The following FAM120A variants were observed in gnomAD, a reference collection of about 807,000 sequenced individuals.
FAM120A encodes the protein family with sequence similarity 120 member A, also known as constitutive coactivator of PPAR-gamma-like protein 1.
FAM120A carries 15 observed loss-of-function variants against 109.7 expected under a neutral mutation model. The observed-to-expected ratio is 0.14, with a 90% CI of 0.09 to 0.21. The LOEUF is 0.21. FAM120A is among the 10% of genes least tolerant of loss of function. FAM120A has a pLI of 1.00. For synonymous variants in FAM120A, 493 were observed against 572.8 expected, an observed-to-expected ratio of 0.86 and a Z score of 1.99; for missense variants, 899 against 1,439.3, an observed-to-expected ratio of 0.62 and a Z score of 6.07.
At chr9:93,504,588 CCTT>C (rs1859949717) in intron 5 of FAM120A, among the ~76,000 whole-genome samples, 1 of 152,102 alleles carries the variant, frequency 6.6e-6, no homozygotes, top group South Asian at 2.1e-4. Context: ...CTCTGACTTG[CCTT>C]CTTAATATTT....
At chr9:93,480,171 A>G (rs1420405014) in intron 3 of FAM120A, among the ~76,000 whole-genome samples, 1 of 152,250 alleles carries the variant, frequency 6.6e-6, no homozygotes, top group Non-Finnish European at 1.5e-5. Context: ...TAAGGTGGGC[A>G]TTGAATTTCT....
At chr9:93,494,807 G>A (rs75143850) in intron 3 of FAM120A, among the ~76,000 whole-genome samples, 5,484 of 152,224 alleles carry the variant, frequency 0.036, 170 homozygotes, top group African/African-American at 0.07. Context: ...GAACCCTCAA[G>A]CAGGGGGTTT....
intron 5 of FAM120A, among the ~76,000 whole-genome samples, chr9:93,510,106 C>A (rs141238794): frequency 6.6e-6 from 1 of 152,152 alleles, no homozygotes; most frequent in Non-Finnish European, 1.5e-5. Context: ...TTGAGTAGAA[C>A]GGCCACTCAT....
chr9:93,452,398 G>C lies in FAM120A; in HGVS notation c.474+9G>C. Reference sequence around the variant, plus strand: ...TCCGCTTCCACGTCAAGGTGAGGCCGGGGATCCGGGCGGGCCGGGGACCGG... The same window carrying C: ...TCCGCTTCCACGTCAAGGTGAGGCCCGGGATCCGGGCGGGCCGGGGACCGG... On this transcript the variant is annotated intron_variant, in intron 1 of 17. Transcript: ENST00000277165. This position sits in a 1 kb window ranked among gnomAD's most constrained non-coding sequence, Gnocchi z 7.0. 1 of 1,599,678 alleles carries C rather than the reference G, an allele frequency of 6.3e-7. No individual in the cohort carries two copies. Among genetic ancestry groups the C allele is most frequent in the Non-Finnish European group, 8.5e-7 (1 of 1,174,078 alleles).
At chr9:93,512,274 TTTAAAGAA>T (rs1179671179) in intron 5 of FAM120A, among the ~76,000 whole-genome samples, 9 of 152,206 alleles carry the variant, frequency 5.9e-5, no homozygotes, top group African/African-American at 2.2e-4. Flanking sequence ...ACACCATTTC[TTTAAAGAA>T]TTTTACCGTA....
chr9:93,457,801 C>G (rs895400130), intron 1 of FAM120A, among the ~76,000 whole-genome samples: 3 of 132,964 alleles, frequency 2.3e-5, no homozygotes, highest in Non-Finnish European at 5.3e-5. Context: ...TAAATCTCTT[C>G]CTTTTTTTTT....
rs745450395 is a variant in FAM120A at position 93,550,657 on chromosome 9, A to C, written c.2240A>C (p.Lys747Thr). Residue 747 changes from lysine (K) to threonine (T), a missense_variant, in exon 12 of 18, where the codon AAA (lysine) becomes ACA (threonine). By Grantham distance (78) the Lys-to-Thr change is moderately conservative. Around this residue, in one of 11 missense-constraint regions of FAM120A, gnomAD observed 52 missense variants for 49.7 expected, o/e 1.05. Coordinates refer to ENST00000277165, the MANE Select transcript of FAM120A (RefSeq NM_014612.5). The stretch of plus-strand genomic sequence containing the variant: ...TTCCTGGCTCAGGCGCTGTCCCCCA[A>C]ACTCTACGAGCCTGATCAGCTCCAG... Reference protein sequence around the residue: ...DAFLAQALSPKLYEPDQLQEL... With the variant: ...DAFLAQALSPTLYEPDQLQEL... 2 of 1,613,850 alleles carry C rather than the reference A, an allele frequency of 1.2e-6. No homozygotes were observed. Among genetic ancestry groups the C allele is most frequent in the Admixed American group, 3.3e-5 (2 of 60,026 alleles).
At chr9:93,507,839 A>G (rs1200033783) in intron 5 of FAM120A, among the ~76,000 whole-genome samples, 1 of 152,150 alleles carries the variant, frequency 6.6e-6, no homozygotes, top group East Asian at 1.9e-4. Flanking sequence ...AGGAAAAGTC[A>G]TTTTTAGCTT....
At chr9:93,518,963 T>C (rs1860727065) in intron 7 of FAM120A, among the ~76,000 whole-genome samples, 1 of 152,194 alleles carries the variant, frequency 6.6e-6, no homozygotes, top group South Asian at 2.1e-4. Flanking sequence ...CTATTGTTAG[T>C]CTATTTTATA....
At position 93,562,278 on chromosome 9, in the gene FAM120A, G is replaced by T. The variant is rs769092174; in HGVS notation, c.3019G>T (p.Gly1007Cys). ...FGRGGRYYGR[G>C]YKNQAAIQGR... is the part of the protein sequence containing the mutation. ...AAGAGGTGGAAGGTACTATGGCAGA[G>T]GTTACAAAAACCAGGCAGCAATTCA... The change falls in exon 17 of 18, where the codon GGT becomes TGT. Residue 1007 changes from glycine (G) to cysteine (C), a missense_variant. This residue lies in a region of FAM120A where 170 missense variants were observed against 205.0 expected (regional missense o/e 0.83). Transcript: ENST00000277165. 2 of 1,614,152 alleles carry T rather than the reference G, an allele frequency of 1.2e-6. No homozygotes were observed. Among genetic ancestry groups the T allele is most frequent in the South Asian group, 2.2e-5 (2 of 91,074 alleles).
rs935684893 is a variant in FAM120A at position 93,523,450 on chromosome 9, T to C, written c.1419-3705T>C. On this transcript the variant is annotated intron_variant, in intron 7 of 17. Transcript: ENST00000277165. ...GTTATGCTCTTGTTCCAGACAGATA[T>C]CCACTTTATATTTATGTTTTGACAC... The C allele has an allele frequency of 2.2e-5, 10 of 463,256 alleles. No homozygotes were observed. The East Asian group carries it at 5.4e-4, about 25-fold the overall frequency. 28.7% of individuals were successfully genotyped at this position (463,256 alleles called of 1,614,324 possible).
chr9:93,453,267 A>G (rs1857368899), intron 1 of FAM120A: 21 of 990,396 alleles, frequency 2.1e-5, no homozygotes, highest in Middle Eastern at 5.2e-4. Context: ...AGAGCTCTAT[A>G]TCACCGGCCT....
chr9:93,497,710 G>A (rs1307203962), intron 4 of FAM120A, 111 bp downstream of exon 4: 1 of 1,305,172 alleles, frequency 7.7e-7, no homozygotes, highest in East Asian at 2.6e-5. Flanking sequence ...CTGACTGGAT[G>A]GGTCTGAGAG....
chr9:93,525,781 G>T (rs541562685), intron 7 of FAM120A, among the ~76,000 whole-genome samples: 5 of 152,240 alleles, frequency 3.3e-5, no homozygotes, highest in Non-Finnish European at 7.4e-5. Flanking sequence ...CCACTGCTGG[G>T]GTTTCCTCTA....
chr9:93,511,856 G>A (rs181321588), intron 5 of FAM120A, among the ~76,000 whole-genome samples: 84 of 152,330 alleles, frequency 5.5e-4, no homozygotes, highest in Non-Finnish European at 1.0e-3. Context: ...GCAGTGGCAC[G>A]ATCTCTGCTG....
chr9:93,479,191 C>T (rs955330004), intron 3 of FAM120A, among the ~76,000 whole-genome samples: 25 of 148,090 alleles, frequency 1.7e-4, no homozygotes, highest in Non-Finnish European at 1.8e-4. Context: ...CTCCGCCTCC[C>T]GGTTTCATGC....
intron 3 of FAM120A, among the ~76,000 whole-genome samples, chr9:93,493,040 C>G (rs1286578397): frequency 6.6e-6 from 1 of 152,152 alleles, no homozygotes; most frequent in Admixed American, 6.6e-5. Context: ...CTGGGGAAAG[C>G]CTGTTGCTGT....
chr9:93,562,113 G>GT (rs1452589851), intron 16 of FAM120A, 95 bp from the exon 17 acceptor site: 1 of 1,081,386 alleles, frequency 9.2e-7, no homozygotes. Context: ...TTCATAAAAC[G>GT]TAAGATTGGA....
At chr9:93,459,311 G>A (rs1298213935) in intron 1 of FAM120A, among the ~76,000 whole-genome samples, 1 of 152,188 alleles carries the variant, frequency 6.6e-6, no homozygotes, top group African/African-American at 2.4e-5. Context: ...GCTTAGCATA[G>A]GCACTCAACT....
Sources: allele counts gnomAD v4.1 joint callset (sites outside exome capture counted in the v4.1 genomes callset), GRCh38; gene constraint gnomAD v4.1.1; regional missense constraint gnomAD v4.1.1; non-coding constraint Gnocchi (gnomAD v3.1); transcripts MANE v1.5; gene names NCBI Gene and HGNC (gene_info 2026-07-23, HGNC 2026-07-21).